DGLUCY: variants seen among roughly 807,000 people sequenced by gnomAD.
DGLUCY encodes the protein D-glutamate cyclase, mitochondrial.
In DGLUCY, 58 loss-of-function variants were observed where a neutral mutation model predicts 58.5. That is an observed-to-expected ratio of 0.99 (90% CI 0.80 to 1.23). DGLUCY has a LOEUF of 1.23. DGLUCY is among the 50% of genes most tolerant of loss of function. DGLUCY has a pLI of 0.00. For synonymous variants in DGLUCY, 325 were observed against 314.1 expected (o/e 1.03, Z -0.37); for missense variants, 779 against 784.7 (o/e 0.99, Z 0.09).
chr14:91,211,316 A>G (rs1056737491), intron 12 of DGLUCY, among the ~76,000 whole-genome samples: 1 of 152,222 alleles, frequency 6.6e-6, no homozygotes, highest in Non-Finnish European at 1.5e-5. Context: ...TATTTTGTGG[A>G]TATCAACAAC....
chr14:91,197,173 G>A (rs188273227), intron 10 of DGLUCY, among the ~76,000 whole-genome samples: 7 of 152,250 alleles, frequency 4.6e-5, no homozygotes, highest in Admixed American at 4.6e-4. Flanking sequence ...CACCATGTTG[G>A]CCAGGCTGGT....
chr14:91,185,354 G>A (rs2049448836), intron 8 of DGLUCY: 1 of 134,784 alleles, frequency 7.4e-6, no homozygotes, highest in South Asian at 2.4e-4. Flanking sequence ...GCAATCATAG[G>A]TCACTGCAGC....
intron 9 of DGLUCY, among the ~76,000 whole-genome samples, chr14:91,194,972 G>C (rs933667448): frequency 2.0e-5 from 3 of 152,238 alleles, no homozygotes; most frequent in African/African-American, 4.8e-5. Flanking sequence ...CTGAGGGTGG[G>C]AGCCGCTGTC....
chr14:91,192,755 G>T (rs2049974833), intron 9 of DGLUCY, among the ~76,000 whole-genome samples: 1 of 152,220 alleles, frequency 6.6e-6, no homozygotes. Context: ...AGTTAGCCAA[G>T]ATCGCACCAA....
intron 9 of DGLUCY, among the ~76,000 whole-genome samples, chr14:91,191,128 G>A (rs1328737523): frequency 3.3e-5 from 5 of 152,212 alleles, no homozygotes; most frequent in Admixed American, 1.3e-4. Flanking sequence ...ACCCCTGGGG[G>A]ACAGGACCTG....
chr14:91,068,213 A>T (rs1174430002), intron 1 of DGLUCY, among the ~76,000 whole-genome samples: 1 of 152,134 alleles, frequency 6.6e-6, no homozygotes, highest in Non-Finnish European at 1.5e-5. Flanking sequence ...CTACCTTTCT[A>T]GCTTAGCAAC....
rs369657936 is a variant in DGLUCY, at chr14:91,082,900, T to C, written c.-82+22196T>C. Among the ~76,000 whole-genome samples the C allele has an allele frequency of 5.9e-5, 9 of 152,236 alleles. No homozygotes were observed. The East Asian group carries it at 1.5e-3, about 26-fold the overall frequency. The stretch of plus-strand genomic sequence containing the variant: ...TCCTGAGTAGCTGGGATTACAGTCA[T>C]GCGCAACTATGCTTGGTTGATTTGT... On this transcript the variant is annotated intron_variant, in intron 1 of 4. Transcript: ENST00000521334.
intron 12 of DGLUCY, among the ~76,000 whole-genome samples, chr14:91,209,773 G>A (rs1276828231): frequency 1.3e-5 from 2 of 152,084 alleles, no homozygotes; most frequent in African/African-American, 4.8e-5. Flanking sequence ...TATATTGTCT[G>A]CAAGAAATTC....
At chr14:91,124,089 G>A (rs140338864) in intron 1 of DGLUCY, among the ~76,000 whole-genome samples, 2 of 151,786 alleles carry the variant, frequency 1.3e-5, no homozygotes, top group East Asian at 1.9e-4. Flanking sequence ...CATCATGCCC[G>A]GCTAATTTTT....
At chr14:91,068,427 G>C (rs2043863676) in intron 1 of DGLUCY, among the ~76,000 whole-genome samples, 1 of 152,216 alleles carries the variant, frequency 6.6e-6, no homozygotes. Context: ...CCAACACTTT[G>C]GGAGGCTGAG....
intron 11 of DGLUCY, among the ~76,000 whole-genome samples, chr14:91,203,430 A>G (rs2050692295): frequency 6.6e-6 from 1 of 152,226 alleles, no homozygotes; most frequent in African/African-American, 2.4e-5. Context: ...AGAAGCAGAC[A>G]CAAAAACAAT....
chr14:91,166,680 A>G (rs1213373817), intron 3 of DGLUCY, among the ~76,000 whole-genome samples: 1 of 151,610 alleles, frequency 6.6e-6, no homozygotes, highest in Non-Finnish European at 1.5e-5. Flanking sequence ...AAAAAAAATT[A>G]CATTAGAAGT....
chr14:91,096,124 A>C (rs560644078), intron 1 of DGLUCY, among the ~76,000 whole-genome samples: 2 of 152,292 alleles, frequency 1.3e-5, no homozygotes, highest in South Asian at 2.1e-4. Flanking sequence ...TTTGTATTGC[A>C]CAAGTGGCCA....
chr14:91,153,477 C>T (rs1408254987), intron 1 of DGLUCY, among the ~76,000 whole-genome samples: 1 of 152,204 alleles, frequency 6.6e-6, no homozygotes, highest in Admixed American at 6.5e-5. Context: ...GGCACCGCAC[C>T]CGGCTGACAG....
intron 1 of DGLUCY, among the ~76,000 whole-genome samples, chr14:91,073,587 G>T (rs763172970): frequency 6.6e-6 from 1 of 152,090 alleles, no homozygotes; most frequent in Admixed American, 6.5e-5. Context: ...CATCCCCGTC[G>T]GGATTACAGG....
At chr14:91,217,576 C>T (rs767479318) in intron 13 of DGLUCY, among the ~76,000 whole-genome samples, 11 of 151,884 alleles carry the variant, frequency 7.2e-5, no homozygotes, top group African/African-American at 1.5e-4. Context: ...CCTCCACCCC[C>T]CAAGTTCAAG....
intron 10 of DGLUCY, 135 bp from the exon 11 acceptor site, chr14:91,199,622 C>T: frequency 9.8e-7 from 1 of 1,016,852 alleles, no homozygotes; most frequent in Non-Finnish European, 1.5e-6. Flanking sequence ...AGTAGATGTG[C>T]CACCAAGTTC....
intron 1 of DGLUCY, among the ~76,000 whole-genome samples, chr14:91,156,381 C>T (rs1028490721): frequency 1.4e-4 from 22 of 152,160 alleles, no homozygotes; most frequent in South Asian, 2.1e-4. Flanking sequence ...CCCGAAGTGC[C>T]GGGATTACAG....
intron 1 of DGLUCY, among the ~76,000 whole-genome samples, chr14:91,127,434 C>T (rs2045770004): frequency 6.6e-6 from 1 of 152,196 alleles, no homozygotes; most frequent in Admixed American, 6.5e-5. Context: ...GAATCTGGAC[C>T]TTGTCCTCGC....
Sources: allele counts gnomAD v4.1 joint callset (sites outside exome capture counted in the v4.1 genomes callset), GRCh38; gene constraint gnomAD v4.1.1; transcripts MANE v1.5; gene names NCBI Gene and HGNC (gene_info 2026-07-23, HGNC 2026-07-21).